HYDIN: variants seen among roughly 807,000 people sequenced by gnomAD.
HYDIN encodes HYDIN axonemal central pair apparatus protein, also known as axonemal central pair apparatus protein HYDIN.
In HYDIN, 132 loss-of-function variants were observed where a neutral mutation model predicts 403.9. The ratio of observed to expected loss-of-function variants is 0.33; its 90% CI spans 0.28 to 0.38. The LOEUF (loss-of-function observed/expected upper bound fraction) is 0.38. Ranked by LOEUF, HYDIN falls within the 10% of genes least tolerant of loss-of-function variation. HYDIN has a pLI of 1.00. For missense variants in HYDIN, 2,827 were observed against 5,009.5 expected, an observed-to-expected ratio of 0.56 and a Z score of 13.15; for synonymous variants, 1,202 against 1,891.7, an observed-to-expected ratio of 0.64 and a Z score of 9.46.
At chr16:70,830,784 T>C (rs1311620114) in intron 80 of HYDIN, among the ~76,000 whole-genome samples, 7 of 152,130 alleles carry the variant, frequency 4.6e-5, no homozygotes, top group Non-Finnish European at 7.3e-5. Context: ...TGATGTGGGA[T>C]TGACTGCGGG....
rs111938651 is a variant in HYDIN at position 71,165,431 on chromosome 16, C to G, written c.517-2701G>C. 6.6e-3 allele frequency among the ~76,000 whole-genome samples: 1,007 copies of G among 151,650 alleles called. 9 individuals carry two copies. The highest frequency in any genetic ancestry group is 0.023 in the African/African-American group (960 of 41,258). On this transcript the variant is annotated intron_variant, in intron 5 of 85. Coordinates refer to ENST00000393567, the MANE Select transcript of HYDIN (RefSeq NM_001270974.2). ...TTCAATGGAACTCTCCCTCTCCTGC[C>G]CCATCACTCCCTTACCTTCTGTCCA...
chr16:71,077,733 C>A (rs1024397936), intron 13 of HYDIN, among the ~76,000 whole-genome samples: 9 of 151,446 alleles, frequency 5.9e-5, no homozygotes, highest in Non-Finnish European at 1.2e-4. Flanking sequence ...TCCCAGTCCC[C>A]AGAATAGTGT....
chr16:71,003,005 A>C (rs2079770262), intron 23 of HYDIN, among the ~76,000 whole-genome samples: 1 of 152,160 alleles, frequency 6.6e-6, no homozygotes, highest in Admixed American at 6.5e-5. Context: ...TTTTCTATAT[A>C]GATGACATAT....
intron 9 of HYDIN, among the ~76,000 whole-genome samples, chr16:71,116,432 G>A (rs1481301284): frequency 1.6e-4 from 25 of 152,056 alleles, no homozygotes; most frequent in Non-Finnish European, 1.9e-4. Context: ...TTCTTCTGTC[G>A]CTGGACACTT....
At chr16:71,032,391 A>G (rs1379825191) in intron 18 of HYDIN, among the ~76,000 whole-genome samples, 3 of 151,536 alleles carry the variant, frequency 2.0e-5, no homozygotes, top group African/African-American at 7.3e-5. Context: ...AGGATGAACC[A>G]ATTTCATTAA....
intron 66 of HYDIN, among the ~76,000 whole-genome samples, chr16:70,867,166 G>A (rs1359550955): frequency 1.4e-5 from 2 of 147,352 alleles, no homozygotes; most frequent in African/African-American, 5.1e-5. Context: ...TGAGCAAAAG[G>A]CATGAAAAGG....
At chr16:71,111,645 G>A (rs982488883) in intron 10 of HYDIN, among the ~76,000 whole-genome samples, 1 of 152,000 alleles carries the variant, frequency 6.6e-6, no homozygotes, top group African/African-American at 2.4e-5. Flanking sequence ...GCTGGCCACA[G>A]GTCTGCTGGT....
Position 70,926,904 on chromosome 16 carries a change from G to C in HYDIN, c.7159-5687C>G, listed in dbSNP as rs193180218. Among the ~76,000 whole-genome samples, 484 of 152,274 alleles carry C rather than the reference G, an allele frequency of 3.2e-3. 1 individual carries two copies. The highest frequency in any genetic ancestry group is 5.7e-3 in the Non-Finnish European group (390 of 68,032). On this transcript the variant is annotated intron_variant, in intron 45 of 85. Transcript: ENST00000393567. ...TAGACCTCACTGAAAAAAAGACAGC[G>C]AACTAGACCATATGTCAGAAGAAAA...
chr16:70,958,974 T>C (rs565926529), intron 39 of HYDIN, among the ~76,000 whole-genome samples: 5 of 151,482 alleles, frequency 3.3e-5, no homozygotes, highest in Admixed American at 1.3e-4. Context: ...AATTCTCTTT[T>C]CTGAGTGGTT....
intron 2 of HYDIN, among the ~76,000 whole-genome samples, chr16:71,186,005 C>T (rs1291118116): frequency 6.6e-6 from 1 of 151,996 alleles, no homozygotes; most frequent in Non-Finnish European, 1.5e-5. Context: ...CAGATAAGGA[C>T]AATAAAATGT....
At chr16:70,894,117 A>C (rs1462580576) in intron 55 of HYDIN, 1 of 212,242 alleles carries the variant, frequency 4.7e-6, no homozygotes, top group Non-Finnish European at 9.3e-6. Flanking sequence ...CTCTTCCTCC[A>C]TTCCCAGACA....
At chr16:70,991,536 C>T in intron 24 of HYDIN, 140 bp from the exon 25 acceptor site, 2 of 1,368,066 alleles carry the variant, frequency 1.5e-6, no homozygotes, top group South Asian at 2.9e-5. Flanking sequence ...CAAGGGACAC[C>T]TTTCTCAAGA....
chr16:71,183,089 G>A (rs531557743), intron 3 of HYDIN, among the ~76,000 whole-genome samples: 8 of 152,196 alleles, frequency 5.3e-5, no homozygotes, highest in Non-Finnish European at 1.2e-4. Flanking sequence ...GAATGAGATG[G>A]AAATAGGAAG....
chr16:71,178,462 T>TAC (rs1473311808), intron 4 of HYDIN, among the ~76,000 whole-genome samples: 6 of 147,088 alleles, frequency 4.1e-5, no homozygotes, highest in Admixed American at 3.4e-4. Flanking sequence ...TGTATATATA[T>TAC]ATACACACAC....
chr16:70,949,202 G>A (rs1247751769), intron 41 of HYDIN, among the ~76,000 whole-genome samples: 3 of 150,428 alleles, frequency 2.0e-5, no homozygotes, highest in Admixed American at 6.7e-5. Context: ...GTAAACTATC[G>A]CAAGAACAAA....
At chr16:71,216,911 C>T (rs547324345) in intron 1 of HYDIN, among the ~76,000 whole-genome samples, 2 of 152,288 alleles carry the variant, frequency 1.3e-5, no homozygotes, top group Admixed American at 6.5e-5. Flanking sequence ...TTCCCAACCC[C>T]ACCACAAGGC....
chr16:71,133,345 A>C (rs2084788689), intron 8 of HYDIN: 1 of 449,588 alleles, frequency 2.2e-6, no homozygotes, highest in Non-Finnish European at 4.4e-6. Context: ...TCAATGTTAC[A>C]AATGAAGAAC....
chr16:71,206,514 C>T (rs1373555507), intron 1 of HYDIN, among the ~76,000 whole-genome samples: 5 of 152,192 alleles, frequency 3.3e-5, no homozygotes, highest in African/African-American at 1.2e-4. Flanking sequence ...CTCAAAAAGT[C>T]AGAGTGTCTT....
chr16:70,981,426 G>T lies in HYDIN; in HGVS notation c.4475C>A (p.Pro1492His), dbSNP rs78763837. 576,133 of 1,612,908 alleles carry T rather than the reference G, an allele frequency of 0.36. 108,409 individuals carry two copies. The highest frequency in any genetic ancestry group is 0.6 in the Admixed American group (35,644 of 59,900). Residue 1492 changes from proline to histidine, a missense_variant, in exon 29 of 86, where the codon CCC becomes CAC. Coordinates refer to ENST00000393567, the MANE Select transcript of HYDIN (RefSeq NM_001270974.2). ...NITLSGEGIF[P>H]QICLDLPRNL... ...CCTGGGGAGATCGAGGCAGATTTGG[G>T]GAAAGATTCCCTCTCCGCTCAGAGT...
Sources: allele counts gnomAD v4.1 joint callset (sites outside exome capture counted in the v4.1 genomes callset), GRCh38; gene constraint gnomAD v4.1.1; transcripts MANE v1.5; gene names NCBI Gene and HGNC (gene_info 2026-07-23, HGNC 2026-07-21).